The following PLEKHA5 variants were observed in gnomAD, a reference collection of about 807,000 sequenced individuals.
The protein encoded by PLEKHA5 is pleckstrin homology domain containing A5.
In PLEKHA5, 55 loss-of-function variants were observed where a neutral mutation model predicts 181.9. That is an observed-to-expected ratio of 0.30 (90% CI 0.24 to 0.38). The LOEUF (loss-of-function observed/expected upper bound fraction) is 0.38, where lower values mean the gene tolerates loss of function less well. Among genes scored for constraint, PLEKHA5 ranks in the 10% least tolerant of loss-of-function variants. The pLI, the probability that PLEKHA5 is intolerant of heterozygous loss-of-function variation, is 1.00. For missense variants in PLEKHA5, 1,432 were observed against 1,549.5 expected (o/e 0.92, Z 1.27); for synonymous variants, 535 against 529.4 (o/e 1.01, Z -0.15).
In PLEKHA5 at chr12:19,129,772, A is replaced by C; in HGVS notation, c.-28A>C. 1.3e-6 allele frequency: 2 copies of C among 1,528,144 alleles called. No homozygotes were observed. Among genetic ancestry groups the C allele is most frequent in the Non-Finnish European group, 8.9e-7 (1 of 1,118,462 alleles). The allele number at this position is 1,528,144 out of a possible 1,614,324, so 94.7% of individuals were successfully genotyped here. A position where few individuals can be genotyped will look rare whatever the true frequency, so the allele number is the denominator to read the frequency against. ...CGGCAGCCGCGGCGGCAGCAGGAGA[A>C]GGCGGCGGCGGCGGCTAGGGATCAG... On this transcript the variant is annotated 5_prime_UTR_variant, in exon 1 of 32. Transcript: ENST00000429027.
At chr12:19,172,673 CTT>C (rs1469486892) in intron 3 of PLEKHA5, among the ~76,000 whole-genome samples, 5 of 152,164 alleles carry the variant, frequency 3.3e-5, no homozygotes, top group African/African-American at 1.2e-4. Flanking sequence ...GCACAGTTCT[CTT>C]ATATATACGA....
chr12:19,285,486 G>A (rs1467439356), intron 12 of PLEKHA5, among the ~76,000 whole-genome samples: 1 of 152,172 alleles, frequency 6.6e-6, no homozygotes, highest in Non-Finnish European at 1.5e-5. Flanking sequence ...GGTTCTTAAA[G>A]TGTAGTTCAT....
intron 3 of PLEKHA5, among the ~76,000 whole-genome samples, chr12:19,212,857 C>A (rs1424569718): frequency 7.3e-6 from 1 of 136,532 alleles, no homozygotes; most frequent in Non-Finnish European, 1.5e-5. Flanking sequence ...TTTTTAATTT[C>A]AGGCTCCCGG....
Position 19,283,296 on chromosome 12 carries a change from A to G in PLEKHA5, c.1330A>G (p.Thr444Ala), listed in dbSNP as rs1189470710. 6.2e-7 allele frequency: 1 copy of G among 1,604,024 alleles called. No individual in the cohort carries two copies. Among genetic ancestry groups the G allele is most frequent in the East Asian group, 2.2e-5 (1 of 44,806 alleles). The change falls in exon 12 of 32, where the codon ACA (threonine) becomes GCA (alanine). Residue 444 changes from threonine (T) to alanine (A), a missense_variant. Physicochemically the swap from Thr to Ala is moderately conservative, Grantham distance 58. Coordinates refer to ENST00000429027, the MANE Select transcript of PLEKHA5 (RefSeq NM_001256470.2). ...TTATTTTAGAGTAATTTCTTACCAA[A>G]CATTACCAAGAAATATGCCAAGTCA... is the stretch of plus-strand genomic sequence containing the variant. Reference protein sequence around the residue: ...EETRGVISYQTLPRNMPSHRA... With the variant: ...EETRGVISYQALPRNMPSHRA...
At chr12:19,218,944 ATTT>A (rs1226278651) in intron 3 of PLEKHA5, among the ~76,000 whole-genome samples, 8 of 131,662 alleles carry the variant, frequency 6.1e-5, no homozygotes, top group Non-Finnish European at 1.2e-4. Context: ...TTTTTTTTTA[ATTT>A]TTTTTTTTAT....
intron 21 of PLEKHA5, among the ~76,000 whole-genome samples, chr12:19,340,189 C>T (rs1643218344): frequency 6.6e-6 from 1 of 152,032 alleles, no homozygotes; most frequent in Non-Finnish European, 1.5e-5. Context: ...TTTAGATTTG[C>T]AAGGAAGTTT....
At chr12:19,350,501 T>A (rs567540277) in intron 25 of PLEKHA5, among the ~76,000 whole-genome samples, 1 of 152,318 alleles carries the variant, frequency 6.6e-6, no homozygotes, top group South Asian at 2.1e-4. Context: ...GCTTGGTGGC[T>A]CACGCCTATC....
At chr12:19,184,849 G>C (rs867889535) in intron 3 of PLEKHA5, among the ~76,000 whole-genome samples, 1 of 152,280 alleles carries the variant, frequency 6.6e-6, no homozygotes, top group Middle Eastern at 3.4e-3. Context: ...GGACACTGGG[G>C]AATACCTATA....
intron 3 of PLEKHA5, among the ~76,000 whole-genome samples, chr12:19,230,780 G>T (rs893347503): frequency 6.6e-6 from 1 of 152,102 alleles, no homozygotes; most frequent in Admixed American, 6.5e-5. Context: ...CTCCAGCCTT[G>T]GCCAGCCCAG....
At chr12:19,261,730 C>T (rs200959638) in intron 7 of PLEKHA5, among the ~76,000 whole-genome samples, 51 of 151,952 alleles carry the variant, frequency 3.4e-4, no homozygotes, top group Non-Finnish European at 5.7e-4. Flanking sequence ...ATTAGATTGT[C>T]AAGCCATAAT....
At chr12:19,304,946 T>C (rs762286342) in intron 15 of PLEKHA5, among the ~76,000 whole-genome samples, 21 of 152,042 alleles carry the variant, frequency 1.4e-4, no homozygotes, top group South Asian at 4.1e-4. Flanking sequence ...TTTTTTAAAA[T>C]TTTTTAGTTA....
At chr12:19,152,978 T>G (rs1324061116) in intron 3 of PLEKHA5, 2 of 147,764 alleles carry the variant, frequency 1.4e-5, no homozygotes, top group Non-Finnish European at 3.0e-5. Context: ...GTCAGTCTTC[T>G]GTAAATTAAC....
At chr12:19,242,107 T>C (rs925673930) in intron 3 of PLEKHA5, among the ~76,000 whole-genome samples, 1 of 152,242 alleles carries the variant, frequency 6.6e-6, no homozygotes, top group Admixed American at 6.5e-5. Context: ...AACTCTGCTG[T>C]AATACTCGGG....
rs57809332 is a variant in PLEKHA5, at chr12:19,356,662, C to CTTTT, written c.3139-1547_3139-1544dup. ...GGTGGAAGAAGAGGAAGTTGTTTTT[C>CTTTT]TTTTTTTTTTTTTTTTTTTTTTGAG... On this transcript the variant is annotated intron_variant, in intron 26 of 31. Transcript: ENST00000429027. Among the ~76,000 whole-genome samples the CTTTT allele has an allele frequency of 1.3e-3, 133 of 99,820 alleles. 3 individuals are homozygous for CTTTT. Among genetic ancestry groups the CTTTT allele is most frequent in the Admixed American group, 1.7e-3 (12 of 7,074 alleles). 65.5% of individuals were successfully genotyped at this position (99,820 alleles called of 152,430 possible).
chr12:19,154,064 T>C (rs2151356379), intron 3 of PLEKHA5: 1 of 152,344 alleles, frequency 6.6e-6, no homozygotes, highest in South Asian at 2.1e-4. Flanking sequence ...AGAATTGTTA[T>C]GTTCTGTTAA....
chr12:19,320,505 G>T, intron 17 of PLEKHA5, 57 bp from the exon 18 acceptor site: 1 of 770,272 alleles, frequency 1.3e-6, no homozygotes, highest in South Asian at 1.6e-5. Context: ...TAATTAATAG[G>T]GTAAATATAT....
chr12:19,230,437 C>T (rs12817728), intron 3 of PLEKHA5, among the ~76,000 whole-genome samples: 131,770 of 152,162 alleles, frequency 0.87, 58,471 homozygotes, highest in Middle Eastern at 0.97. Flanking sequence ...AGGCTTGGGC[C>T]GTGCAGGAAC....
intron 3 of PLEKHA5, among the ~76,000 whole-genome samples, chr12:19,208,047 C>T (rs191518765): frequency 1.2e-3 from 189 of 152,234 alleles, no homozygotes; most frequent in Non-Finnish European, 2.4e-3. Flanking sequence ...ATTCTCTACT[C>T]TAGAGAACCT....
chr12:19,337,947 C>T (rs1182039013), intron 21 of PLEKHA5, among the ~76,000 whole-genome samples: 2 of 151,352 alleles, frequency 1.3e-5, no homozygotes, highest in East Asian at 3.9e-4. Flanking sequence ...AGGAGAATCG[C>T]TTGAACCCGG....
Sources: allele counts gnomAD v4.1 joint callset (sites outside exome capture counted in the v4.1 genomes callset), GRCh38; gene constraint gnomAD v4.1.1; transcripts MANE v1.5; gene names NCBI Gene and HGNC (gene_info 2026-07-23, HGNC 2026-07-21).